The following OTUD4 variants were observed in gnomAD, a reference collection of about 807,000 sequenced individuals.
The protein encoded by OTUD4 is OTU domain-containing protein 4.
Under a neutral mutation model 130.4 loss-of-function variants are expected in OTUD4, and 24 were observed. That is an observed-to-expected ratio of 0.18 (90% CI 0.13 to 0.26). The LOEUF (loss-of-function observed/expected upper bound fraction) is 0.26. Ranked by LOEUF, OTUD4 falls within the 10% of genes least tolerant of loss-of-function variation. OTUD4 has a pLI of 1.00. For synonymous variants in OTUD4, 420 were observed against 472.5 expected (o/e 0.89, Z 1.44); for missense variants, 1,031 against 1,329.4 (o/e 0.78, Z 3.49).
intron 1 of OTUD4, among the ~76,000 whole-genome samples, chr4:145,175,740 T>C (rs1039292154): frequency 7.9e-5 from 12 of 151,966 alleles, no homozygotes; most frequent in African/African-American, 2.4e-4. Context: ...AGACAGGGTT[T>C]CACCATCTTG....
intron 11 of OTUD4, among the ~76,000 whole-genome samples, chr4:145,151,421 G>C (rs1348010368): frequency 1.3e-5 from 2 of 152,118 alleles, no homozygotes; most frequent in Non-Finnish European, 2.9e-5. Context: ...AGATCACAAG[G>C]TCAGGGGTTC....
chr4:145,154,229 T>C (rs1751182860), intron 10 of OTUD4, among the ~76,000 whole-genome samples: 1 of 152,218 alleles, frequency 6.6e-6, no homozygotes, highest in Non-Finnish European at 1.5e-5. Flanking sequence ...ATCAATGTAG[T>C]AAAAACTTCC....
At chr4:145,151,277 ATTCC>A (rs1371058647) in intron 11 of OTUD4, among the ~76,000 whole-genome samples, 1 of 152,214 alleles carries the variant, frequency 6.6e-6, no homozygotes. Context: ...TGATGTTTGG[ATTCC>A]TTCAAAATAT....
chr4:145,171,536 G>A (rs766228587), intron 3 of OTUD4, 134 bp downstream of exon 3: 5 of 545,088 alleles, frequency 9.2e-6, no homozygotes, highest in African/African-American at 3.9e-5. Flanking sequence ...TGTAGGAAAC[G>A]TTTATAAGGA....
intron 7 of OTUD4, among the ~76,000 whole-genome samples, chr4:145,156,943 C>G (rs1751323648): frequency 1.3e-5 from 2 of 151,974 alleles, no homozygotes; most frequent in Non-Finnish European, 2.9e-5. Flanking sequence ...GATGTGACAC[C>G]CAAGTATACA....
rs1174189359 is a variant in OTUD4 at position 145,134,099 on chromosome 4, AC to A, written c.*3330del. On this transcript the variant is annotated 3_prime_UTR_variant, in exon 21 of 21. Coordinates refer to ENST00000447906, the MANE Select transcript of OTUD4 (RefSeq NM_001366057.1). ...CACCCCTCTTCTAAGATTTTCTAAA[AC>A]TTGTATTTCGGGGAGAAAGACCTCT... 3 of 152,630 alleles carry A rather than the reference AC, an allele frequency of 2.0e-5. No individual in the cohort carries two copies. The highest frequency in any genetic ancestry group is 4.4e-5 in the Non-Finnish European group (3 of 68,040). The allele number at this position is 152,630 out of a possible 1,614,324, so 9.5% of individuals were successfully genotyped here.
intron 3 of OTUD4, among the ~76,000 whole-genome samples, chr4:145,167,823 A>G (rs1751951225): frequency 1.3e-5 from 2 of 152,110 alleles, no homozygotes; most frequent in African/African-American, 4.8e-5. Context: ...ACACCATTGC[A>G]CTCCAGCCTG....
At chr4:145,155,108 A>C (rs1201878297) in intron 10 of OTUD4, among the ~76,000 whole-genome samples, 1 of 152,208 alleles carries the variant, frequency 6.6e-6, no homozygotes, top group Non-Finnish European at 1.5e-5. Context: ...CCATTTTAAC[A>C]AAAATACCTC....
At chr4:145,162,610 T>C in intron 6 of OTUD4, 30 bp downstream of exon 6, 1 of 1,090,374 alleles carries the variant, frequency 9.2e-7, no homozygotes, top group African/African-American at 1.6e-5. Context: ...AGGAATATAA[T>C]TTCCCATATA....
At chr4:145,152,751 C>G (rs1191074860) in intron 10 of OTUD4, 116 bp from the exon 11 acceptor site, 12 of 622,950 alleles carry the variant, frequency 1.9e-5, no homozygotes, top group Non-Finnish European at 2.8e-5. Flanking sequence ...GGGTCTCACT[C>G]TGTCACCCAG....
rs1427716905 is a variant in OTUD4 at position 145,137,966 on chromosome 4, T to C, written c.2809A>G (p.Thr937Ala). 1.2e-6 allele frequency: 2 copies of C among 1,614,188 alleles called. No homozygotes were observed. The highest frequency in any genetic ancestry group is 8.5e-7 in the Non-Finnish European group (1 of 1,180,032). The change falls in exon 21 of 21, where the codon ACA becomes GCA. Residue 937 changes from threonine (T) to alanine (A), a missense_variant. Thr to Ala is a moderately conservative substitution (Grantham distance 58). This residue lies in a region of OTUD4 where 900 missense variants were observed against 1,095.9 expected (regional missense o/e 0.82). Coordinates refer to ENST00000447906, the MANE Select transcript of OTUD4 (RefSeq NM_001366057.1). ...TTTCGTGTCTGGGAAGATTGCTCTG[T>C]CCGGCCTTCGTCCGGCTTACTGCTC... ...SVSSKPDEGR[T>A]EQSSQTRKAD...
chr4:145,152,524 T>G lies in OTUD4; in HGVS notation c.968+17A>C, dbSNP rs1255863847. Reference sequence around the variant, plus strand: ...TGGAGGAGGCAGTAAATGCCTTAGCTGAAGAGTAGTACATACTTCTTTCCC... The same window carrying G: ...TGGAGGAGGCAGTAAATGCCTTAGCGGAAGAGTAGTACATACTTCTTTCCC... On this transcript the variant is annotated intron_variant, in intron 11 of 20. Transcript: ENST00000447906. The G allele has an allele frequency of 1.4e-6, 2 of 1,405,708 alleles. No homozygotes were observed. 87.1% of individuals were successfully genotyped at this position (1,405,708 alleles called of 1,614,324 possible).
chr4:145,167,765 G>A (rs1751948338), intron 3 of OTUD4, among the ~76,000 whole-genome samples: 1 of 152,094 alleles, frequency 6.6e-6, no homozygotes, highest in African/African-American at 2.4e-5. Flanking sequence ...GGCTGAGACA[G>A]GAGAATTGCT....
At chr4:145,155,223 T>C (rs1373846160) in intron 10 of OTUD4, among the ~76,000 whole-genome samples, 188 bp downstream of exon 10, 1 of 152,226 alleles carries the variant, frequency 6.6e-6, no homozygotes, top group African/African-American at 2.4e-5. Context: ...ATACATACAA[T>C]TTTAGCAACG....
At chr4:145,141,944 G>T (rs1345952344) in intron 18 of OTUD4, among the ~76,000 whole-genome samples, 1 of 152,192 alleles carries the variant, frequency 6.6e-6, no homozygotes, top group East Asian at 1.9e-4. Flanking sequence ...GTGCTAATTA[G>T]TGCTGAGCAA....
At position 145,179,967 on chromosome 4, in the gene OTUD4, C is replaced by G. The variant is rs1752615539; in HGVS notation, c.7G>C (p.Ala3Pro). 6.6e-7 allele frequency: 1 copy of G among 1,518,474 alleles called. No homozygotes were observed. Among genetic ancestry groups the G allele is most frequent in the Non-Finnish European group, 8.8e-7 (1 of 1,140,494 alleles). 94.1% of individuals were successfully genotyped at this position (1,518,474 alleles called of 1,614,324 possible). ...CCGCCGTCGGGGACGCCGACGGCAG[C>G]CTCCATGTTGCTGGTCCTGCTGCAG... Reference protein sequence around the residue: MEAAVGVPDGGDQ... With the variant: MEPAVGVPDGGDQ... Residue 3 changes from alanine to proline, a missense_variant, in exon 1 of 21, where the codon GCT (alanine) becomes CCT (proline). By Grantham distance (27) the Ala-to-Pro change is conservative. Coordinates refer to ENST00000447906, the MANE Select transcript of OTUD4 (RefSeq NM_001366057.1).
At position 145,139,987 on chromosome 4, in the gene OTUD4, CT is replaced by C; in HGVS notation, c.2087del (p.Lys696ArgfsTer12). 1.2e-6 allele frequency: 1 copy of C among 802,726 alleles called. No individual in the cohort carries two copies. Among genetic ancestry groups the C allele is most frequent in the Non-Finnish European group, 2.0e-6 (1 of 508,462 alleles). The allele number at this position is 802,726 out of a possible 1,614,324, so 49.7% of individuals were successfully genotyped here. On this transcript the variant is annotated frameshift_variant, in exon 20 of 21. Transcript: ENST00000447906. LOFTEE classifies it high-confidence loss of function. ...CQTGEDLPKD[K>X]NILRFFFNLG... ...GATTGAAGAAGAATCGAAGAATATT[CT>C]TATCTAAAAATAAAAGTAATCACTT...
At chr4:145,179,599 A>G (rs1752592058) in intron 1 of OTUD4, 1 of 1,379,762 alleles carries the variant, frequency 7.2e-7, no homozygotes, top group South Asian at 1.6e-5. Flanking sequence ...GGAGAGAGAC[A>G]CCCCGTTAAT....
chr4:145,163,046 C>T (rs1268700993), intron 5 of OTUD4, among the ~76,000 whole-genome samples: 1 of 152,150 alleles, frequency 6.6e-6, no homozygotes, highest in Non-Finnish European at 1.5e-5. Context: ...CTTATTAATG[C>T]TAACCTCTAA....
Sources: allele counts gnomAD v4.1 joint callset (sites outside exome capture counted in the v4.1 genomes callset), GRCh38; gene constraint gnomAD v4.1.1; regional missense constraint gnomAD v4.1.1; transcripts MANE v1.5; gene names NCBI Gene and HGNC (gene_info 2026-07-23, HGNC 2026-07-21).